SDK1: variants seen among roughly 807,000 people sequenced by gnomAD.
SDK1 encodes sidekick cell adhesion molecule 1.
In SDK1, 157 loss-of-function variants were observed where a neutral mutation model predicts 245.5. That is an observed-to-expected ratio of 0.64 (90% CI 0.56 to 0.73). The LOEUF (loss-of-function observed/expected upper bound fraction) is 0.73, where lower values mean the gene tolerates loss of function less well. Ranked by LOEUF, SDK1 falls within the 30% of genes least tolerant of loss-of-function variation. SDK1 has a pLI of 0.00. For missense variants in SDK1, 3,583 were observed against 3,002.3 expected, an observed-to-expected ratio of 1.19 and a Z score of -4.52; for synonymous variants, 1,647 against 1,278.5, an observed-to-expected ratio of 1.29 and a Z score of -6.15.
chr7:3,479,046 T>G (rs539116171), intron 1 of SDK1, among the ~76,000 whole-genome samples: 114 of 152,326 alleles, frequency 7.5e-4, no homozygotes, highest in African/African-American at 2.6e-3. Context: ...TTAAACTGAT[T>G]GTTTAGAACT....
At chr7:3,914,796 A>G (rs1583557009) in intron 5 of SDK1, among the ~76,000 whole-genome samples, 1 of 152,206 alleles carries the variant, frequency 6.6e-6, no homozygotes, top group African/African-American at 2.4e-5. Context: ...ACGTCCATAC[A>G]ATTTGATCGG....
At chr7:3,320,355 A>G (rs986366992) in intron 1 of SDK1, among the ~76,000 whole-genome samples, 2 of 152,122 alleles carry the variant, frequency 1.3e-5, no homozygotes, top group East Asian at 1.9e-4. Flanking sequence ...CAAGTAAAAT[A>G]AAAGTATATG....
intron 17 of SDK1, among the ~76,000 whole-genome samples, chr7:4,046,652 C>A (rs1490050797): frequency 6.6e-6 from 1 of 152,190 alleles, no homozygotes; most frequent in African/African-American, 2.4e-5. Context: ...TCCAGCCCTT[C>A]TCCAGTAACA....
Position 4,267,164 on chromosome 7 carries a change from C to T in SDK1, c.*1780C>T. On this transcript the variant is annotated 3_prime_UTR_variant, in exon 45 of 45. Transcript: ENST00000404826. ...AAAATTAGAGGGTATGGCAAGTTTC[C>T]TTTTTTCTCTCCTCCCTTCCTTCCC... 2.0e-6 allele frequency: 2 copies of T among 984,438 alleles called. No homozygotes were observed. Among genetic ancestry groups the T allele is most frequent in the Non-Finnish European group, 2.4e-6 (2 of 829,154 alleles). The allele number at this position is 984,438 out of a possible 1,614,324, so 61.0% of individuals were successfully genotyped here.
At chr7:3,509,327 C>G (rs565839617) in intron 1 of SDK1, among the ~76,000 whole-genome samples, 1 of 152,050 alleles carries the variant, frequency 6.6e-6, no homozygotes, top group Non-Finnish European at 1.5e-5. Flanking sequence ...ATCCTGGAGC[C>G]GGAGCTGCTT....
intron 5 of SDK1, among the ~76,000 whole-genome samples, chr7:3,924,489 G>A (rs1779701641): frequency 6.6e-6 from 1 of 152,172 alleles, no homozygotes; most frequent in Non-Finnish European, 1.5e-5. Flanking sequence ...ACCCAGAGCT[G>A]TCCTGGTCAC....
At chr7:3,980,860 G>C (rs1028686789) in intron 13 of SDK1, among the ~76,000 whole-genome samples, 1 of 151,724 alleles carries the variant, frequency 6.6e-6, no homozygotes, top group African/African-American at 2.4e-5. Context: ...AGAATTGCTC[G>C]AACTCAGGAG....
chr7:4,136,736 GAC>G (rs1779120616), intron 28 of SDK1, among the ~76,000 whole-genome samples: 1 of 152,256 alleles, frequency 6.6e-6, no homozygotes, highest in Non-Finnish European at 1.5e-5. Context: ...GCCCTGGCCA[GAC>G]ACGCGGGATC....
intron 16 of SDK1, 147 bp from the exon 17 acceptor site, chr7:4,017,024 G>T: frequency 1.5e-6 from 1 of 663,474 alleles, no homozygotes; most frequent in Non-Finnish European, 2.3e-6. Flanking sequence ...ATCGAGTTGG[G>T]AAATAGTATT....
In SDK1 at chr7:4,260,043, C is replaced by T. The variant is rs1464563648; in HGVS notation, c.6382-5081C>T. On this transcript the variant is annotated intron_variant, in intron 44 of 44. Transcript: ENST00000404826. ...GTTCCCGAAAAAGGAGCCACTGCCA[C>T]GTTTATCATCGTCACCCGATGAAGG... is the stretch of plus-strand genomic sequence containing the variant. Among the ~76,000 whole-genome samples the T allele has an allele frequency of 2.6e-5, 4 of 152,242 alleles. No individual in the cohort carries two copies. The East Asian group carries it at 5.8e-4, about 22-fold the overall frequency.
intron 2 of SDK1, among the ~76,000 whole-genome samples, chr7:3,631,171 C>A (rs920064489): frequency 6.6e-6 from 1 of 152,110 alleles, no homozygotes; most frequent in Non-Finnish European, 1.5e-5. Context: ...TGGGCTCAAG[C>A]GATCCACCCA....
At chr7:4,211,648 C>A (rs549268500) in intron 38 of SDK1, among the ~76,000 whole-genome samples, 2 of 152,264 alleles carry the variant, frequency 1.3e-5, no homozygotes, top group South Asian at 4.1e-4. Context: ...CTTGCTCTGT[C>A]TCCCAGGCTG....
intron 13 of SDK1, among the ~76,000 whole-genome samples, chr7:3,978,071 C>T (rs889593114): frequency 6.6e-6 from 1 of 152,012 alleles, no homozygotes; most frequent in Admixed American, 6.6e-5. Context: ...TCCTTCCTTT[C>T]GGGTCTCAGA....
intron 4 of SDK1, among the ~76,000 whole-genome samples, chr7:3,643,995 C>G (rs962705912): frequency 4.0e-5 from 6 of 151,138 alleles, no homozygotes; most frequent in Admixed American, 4.0e-4. Flanking sequence ...CTTTCCCTCC[C>G]AGGTTCAAGC....
At chr7:3,475,512 AC>A (rs766302389) in intron 1 of SDK1, among the ~76,000 whole-genome samples, 2 of 152,212 alleles carry the variant, frequency 1.3e-5, no homozygotes, top group Non-Finnish European at 2.9e-5. Flanking sequence ...GAGATGCTTC[AC>A]ATCCTAGTTT....
At chr7:4,065,694 GTTTTTTTTT>G (rs749991713) in intron 19 of SDK1, among the ~76,000 whole-genome samples, 13 of 66,720 alleles carry the variant, frequency 1.9e-4, no homozygotes, top group Non-Finnish European at 2.9e-4. Flanking sequence ...AGTGGTTGTT[GTTTTTTTTT>G]TTTTTTTTTT....
intron 35 of SDK1, among the ~76,000 whole-genome samples, chr7:4,198,250 C>G (rs1048314024): frequency 6.6e-6 from 1 of 152,220 alleles, no homozygotes; most frequent in Non-Finnish European, 1.5e-5. Context: ...ATCACACACC[C>G]CCCTCATTTG....
intron 5 of SDK1, among the ~76,000 whole-genome samples, chr7:3,902,747 A>G (rs1382872384): frequency 4.6e-5 from 7 of 152,212 alleles, no homozygotes; most frequent in Non-Finnish European, 5.9e-5. Flanking sequence ...TCCATTCTCA[A>G]CAATGCTTCA....
rs150210299 is a variant in SDK1, at chr7:3,975,628, G to A, written c.1994+1083G>A. On this transcript the variant is annotated intron_variant, in intron 13 of 44. Coordinates refer to ENST00000404826, the MANE Select transcript of SDK1 (RefSeq NM_152744.4). Reference sequence around the variant, plus strand: ...GTCTGCCACACGCATGTGGAAATGAGTGAACTCACAAACAGCTTTCCTGTA... The same window carrying A: ...GTCTGCCACACGCATGTGGAAATGAATGAACTCACAAACAGCTTTCCTGTA... Among the ~76,000 whole-genome samples, 35 of 152,344 alleles carry A rather than the reference G, an allele frequency of 2.3e-4. No individual in the cohort carries two copies. The East Asian group carries it at 5.6e-3, about 24-fold the overall frequency.
Sources: allele counts gnomAD v4.1 joint callset (sites outside exome capture counted in the v4.1 genomes callset), GRCh38; gene constraint gnomAD v4.1.1; transcripts MANE v1.5; gene names NCBI Gene and HGNC (gene_info 2026-07-23, HGNC 2026-07-21).